The following RBFOX1 variants were observed in gnomAD, a reference collection of about 807,000 sequenced individuals.
RBFOX1 encodes the protein RNA binding fox-1 homolog 1, also known as RNA binding protein fox-1 homolog 1.
RBFOX1 carries 8 observed loss-of-function variants against 57.7 expected under a neutral mutation model. That is an observed-to-expected ratio of 0.14 (90% CI 0.08 to 0.25). The LOEUF (loss-of-function observed/expected upper bound fraction) is 0.25, where lower values mean the gene tolerates loss of function less well. Ranked by LOEUF, RBFOX1 falls within the 10% of genes least tolerant of loss-of-function variation. The pLI, the probability that RBFOX1 is intolerant of heterozygous loss-of-function variation, is 1.00. For synonymous variants in RBFOX1, 326 were observed against 222.4 expected, an observed-to-expected ratio of 1.47 and a Z score of -4.15; for missense variants, 611 against 548.5, an observed-to-expected ratio of 1.11 and a Z score of -1.14.
intron 4 of RBFOX1, among the ~76,000 whole-genome samples, chr16:7,228,255 C>T (rs1210755572): frequency 6.6e-6 from 1 of 150,714 alleles, no homozygotes; most frequent in African/African-American, 2.5e-5. Flanking sequence ...GAATGAACTT[C>T]CGACTGATCA....
chr16:6,779,188 A>T (rs942483961), intron 3 of RBFOX1, among the ~76,000 whole-genome samples: 2 of 151,938 alleles, frequency 1.3e-5, no homozygotes, highest in Admixed American at 6.6e-5. Context: ...CCTTCCTTGC[A>T]TTTGGTAAAC....
At chr16:6,739,091 A>C (rs569025634) in intron 3 of RBFOX1, among the ~76,000 whole-genome samples, 1 of 152,142 alleles carries the variant, frequency 6.6e-6, no homozygotes, top group African/African-American at 2.4e-5. Flanking sequence ...TAGGGAAAGA[A>C]GAGCTAAATA....
At chr16:7,170,466 G>A (rs1187946529) in intron 4 of RBFOX1, among the ~76,000 whole-genome samples, 3 of 151,988 alleles carry the variant, frequency 2.0e-5, no homozygotes, top group African/African-American at 4.8e-5. Context: ...TTCCAAGATA[G>A]AGTCTTGGCG....
intron 4 of RBFOX1, among the ~76,000 whole-genome samples, chr16:5,869,384 C>A (rs1459420555): frequency 6.6e-6 from 1 of 151,982 alleles, no homozygotes; most frequent in East Asian, 1.9e-4. Context: ...TCATGTTGCC[C>A]CTTTTAAACT....
chr16:5,698,088 T>A (rs971376014), intron 3 of RBFOX1, among the ~76,000 whole-genome samples: 1 of 152,162 alleles, frequency 6.6e-6, no homozygotes, highest in Non-Finnish European at 1.5e-5. Flanking sequence ...TAAACATTAT[T>A]TTATCATGAT....
chr16:6,642,924 G>C (rs1347764035), intron 2 of RBFOX1, among the ~76,000 whole-genome samples: 3 of 152,132 alleles, frequency 2.0e-5, no homozygotes, highest in African/African-American at 7.2e-5. Context: ...ATTTTACTTA[G>C]TTTACATGCG....
intron 4 of RBFOX1, among the ~76,000 whole-genome samples, chr16:7,197,918 A>T (rs2087161958): frequency 6.7e-6 from 1 of 149,450 alleles, no homozygotes; most frequent in African/African-American, 2.5e-5. Flanking sequence ...AGGAATTGGG[A>T]GTGTAACTGA....
intron 1 of RBFOX1, among the ~76,000 whole-genome samples, chr16:6,093,809 G>T (rs1487702271): frequency 6.6e-6 from 1 of 151,542 alleles, no homozygotes; most frequent in Non-Finnish European, 1.5e-5. Context: ...TGTAAAGATG[G>T]GGGTCTCACT....
intron 1 of RBFOX1, among the ~76,000 whole-genome samples, chr16:6,194,243 A>G (rs2097165648): frequency 6.6e-6 from 1 of 152,164 alleles, no homozygotes; most frequent in Admixed American, 6.6e-5. Context: ...GAAGAGCCAC[A>G]GAATCCAGCA....
chr16:6,860,583 TAGA>T (rs1475156608), intron 3 of RBFOX1, among the ~76,000 whole-genome samples: 1 of 152,174 alleles, frequency 6.6e-6, no homozygotes, highest in Non-Finnish European at 1.5e-5. Context: ...AGGAGACACA[TAGA>T]AGATTCATTG....
At chr16:7,389,783 T>C (rs753439555) in intron 4 of RBFOX1, among the ~76,000 whole-genome samples, 5 of 152,144 alleles carry the variant, frequency 3.3e-5, no homozygotes, top group African/African-American at 4.8e-5. Flanking sequence ...TTCTTGAGTA[T>C]ATAGAATGTT....
At chr16:7,202,743 A>G (rs1488763442) in intron 4 of RBFOX1, among the ~76,000 whole-genome samples, 5 of 152,164 alleles carry the variant, frequency 3.3e-5, no homozygotes, top group Non-Finnish European at 7.3e-5. Context: ...TCTTATGAGA[A>G]TCTAATGCCT....
intron 5 of RBFOX1, among the ~76,000 whole-genome samples, chr16:7,563,024 G>A (rs73486632): frequency 1.6e-3 from 237 of 152,286 alleles, no homozygotes; most frequent in African/African-American, 5.5e-3. Flanking sequence ...AAGCCACTGT[G>A]CCACACTGCC....
intron 3 of RBFOX1, among the ~76,000 whole-genome samples, chr16:7,031,792 C>T (rs2042869456): frequency 6.6e-6 from 1 of 152,130 alleles, no homozygotes; most frequent in South Asian, 2.1e-4. Context: ...ATGCAGATGG[C>T]TTGTGTCTCA....
chr16:6,858,237 T>A (rs1187547832), intron 3 of RBFOX1, among the ~76,000 whole-genome samples: 1 of 152,216 alleles, frequency 6.6e-6, no homozygotes, highest in African/African-American at 2.4e-5. Context: ...GTTTTGAGAT[T>A]TATCTCAAAT....
intron 3 of RBFOX1, among the ~76,000 whole-genome samples, chr16:5,863,401 G>A (rs755611927): frequency 2.6e-5 from 4 of 152,172 alleles, no homozygotes; most frequent in Non-Finnish European, 5.9e-5. Flanking sequence ...ACACTCTGAT[G>A]ACTGCTGATG....
chr16:5,241,477 G>A (rs1450607052), intron 1 of RBFOX1, among the ~76,000 whole-genome samples: 2 of 152,236 alleles, frequency 1.3e-5, no homozygotes, highest in Non-Finnish European at 2.9e-5. Context: ...CTAGAATGCA[G>A]TGGAGTGACC....
chr16:7,287,768 T>G (rs532079488), intron 4 of RBFOX1, among the ~76,000 whole-genome samples: 3 of 152,300 alleles, frequency 2.0e-5, no homozygotes, highest in South Asian at 4.1e-4. Context: ...GAGATAAATT[T>G]AGAAGTGGAG....
At chr16:6,633,039 GT>G (rs1463186737) in intron 2 of RBFOX1, among the ~76,000 whole-genome samples, 1 of 152,156 alleles carries the variant, frequency 6.6e-6, no homozygotes, top group Non-Finnish European at 1.5e-5. Context: ...TACTTGATGT[GT>G]TTTCCTGGAG....
Sources: gnomAD v4.1 joint callset for allele counts (sites outside exome capture counted in the v4.1 genomes callset) on GRCh38, gnomAD v4.1.1 for gene constraint, MANE v1.5 for transcripts, NCBI Gene and HGNC (gene_info 2026-07-23, HGNC 2026-07-21) for gene names.